Variants in SDK1 observed in about 807,000 individuals in gnomAD.
SDK1 encodes the protein sidekick cell adhesion molecule 1.
SDK1 carries 157 observed loss-of-function variants against 245.5 expected under a neutral mutation model. The ratio of observed to expected loss-of-function variants is 0.64; its 90% confidence interval spans 0.56 to 0.73. SDK1 has a LOEUF of 0.73. SDK1 is among the 30% of genes least tolerant of loss of function. The pLI is 0.00. For missense variants in SDK1, 3,583 were observed against 3,002.3 expected, an observed-to-expected ratio of 1.19 and a Z score of -4.52; for synonymous variants, 1,647 against 1,278.5, an observed-to-expected ratio of 1.29 and a Z score of -6.15.
At chr7:3,912,995 GT>G (rs1779231757) in intron 5 of SDK1, among the ~76,000 whole-genome samples, 1 of 152,226 alleles carries the variant, frequency 6.6e-6, no homozygotes, top group South Asian at 2.1e-4. Flanking sequence ...TCAGGCTCTT[GT>G]TTTTCTCTTC....
intron 4 of SDK1, among the ~76,000 whole-genome samples, chr7:3,767,721 G>A (rs1204991180): frequency 6.6e-6 from 1 of 152,166 alleles, no homozygotes; most frequent in African/African-American, 2.4e-5. Flanking sequence ...CTGAACCCAG[G>A]CTGTCTGAAT....
chr7:3,668,764 C>T (rs1412759134), intron 4 of SDK1, among the ~76,000 whole-genome samples: 3 of 152,318 alleles, frequency 2.0e-5, no homozygotes, highest in East Asian at 3.9e-4. Context: ...GCACTCCAGC[C>T]TGAGTGATAG....
intron 4 of SDK1, among the ~76,000 whole-genome samples, chr7:3,723,658 T>TGTGTG (rs1554254470): frequency 3.7e-5 from 5 of 134,112 alleles, no homozygotes; most frequent in Non-Finnish European, 7.9e-5. Context: ...TAAGTAAAAG[T>TGTGTG]TGTGTGTGTG....
intron 14 of SDK1, among the ~76,000 whole-genome samples, chr7:4,004,260 T>C (rs1785291458): frequency 1.3e-5 from 2 of 152,224 alleles, no homozygotes; most frequent in South Asian, 4.1e-4. Context: ...TGGATAACTC[T>C]TTTCATGGAT....
At chr7:3,513,518 T>C (rs1456276553) in intron 1 of SDK1, among the ~76,000 whole-genome samples, 1 of 152,196 alleles carries the variant, frequency 6.6e-6, no homozygotes, top group African/African-American at 2.4e-5. Context: ...GAATTAAGAC[T>C]GATGTGGCCA....
rs117282354 is a variant in SDK1 at position 3,734,886 on chromosome 7, C to T, written c.714-86564C>T. Reference sequence around the variant, plus strand: ...TAGTCCATATTTTCCAAGTTCAGCACGTAGCAAGCAGTCAGTCCTGTTCTT... The same window carrying T: ...TAGTCCATATTTTCCAAGTTCAGCATGTAGCAAGCAGTCAGTCCTGTTCTT... On this transcript the variant is annotated intron_variant, in intron 4 of 44. Transcript: ENST00000404826. Among the ~76,000 whole-genome samples, 7 of 152,248 alleles carry T rather than the reference C, an allele frequency of 4.6e-5. No individual in the cohort carries two copies. In the South Asian group the frequency reaches 6.2e-4, roughly 14 times the overall value.
chr7:4,263,378 T>TG (rs1788177197), intron 44 of SDK1, among the ~76,000 whole-genome samples: 1 of 151,316 alleles, frequency 6.6e-6, no homozygotes, highest in Admixed American at 6.6e-5. Flanking sequence ...AGACCTCTGC[T>TG]GGGTGGGGAG....
chr7:4,203,902 C>T (rs1408412276), intron 35 of SDK1, among the ~76,000 whole-genome samples: 3 of 152,266 alleles, frequency 2.0e-5, no homozygotes, highest in Admixed American at 1.3e-4. Context: ...CACGGCAGTG[C>T]GGCTCAGCTG....
chr7:3,949,575 C>A lies in SDK1; in HGVS notation c.848-1348C>A, dbSNP rs112961158. 4.6e-5 allele frequency among the ~76,000 whole-genome samples: 7 copies of A among 152,288 alleles called. 1 individual carries two copies. The highest frequency in any genetic ancestry group is 4.1e-4 in the South Asian group (2 of 4,830). Reference sequence around the variant, plus strand: ...AAGCGTTTTGCGTTTGCAGTCATTTCCATTTATTTTTATTTCCAGCCTCTT... The same window carrying A: ...AAGCGTTTTGCGTTTGCAGTCATTTACATTTATTTTTATTTCCAGCCTCTT... On this transcript the variant is annotated intron_variant, in intron 5 of 44. Coordinates refer to ENST00000404826, the MANE Select transcript of SDK1 (RefSeq NM_152744.4).
In SDK1 at chr7:4,132,555, C is replaced by T. The variant is rs541527101; in HGVS notation, c.4228+132C>T. ...TGGGCAACATTGTGAGACCCCATCT[C>T]TCCAAAGAAAAAATTCAGACTATTA... On this transcript the variant is annotated intron_variant, in intron 28 of 44. Coordinates refer to ENST00000404826, the MANE Select transcript of SDK1 (RefSeq NM_152744.4). 3 of 616,320 alleles carry T rather than the reference C, an allele frequency of 4.9e-6. No homozygotes were observed. The South Asian group carries it at 5.6e-5, about 11-fold the overall frequency. The allele number at this position is 616,320 out of a possible 1,614,324, so 38.2% of individuals were successfully genotyped here.
intron 1 of SDK1, among the ~76,000 whole-genome samples, chr7:3,411,738 A>C (rs759439813): frequency 1.3e-5 from 2 of 152,094 alleles, no homozygotes; most frequent in Non-Finnish European, 2.9e-5. Flanking sequence ...CTTTGTGTCT[A>C]GTCTCTCCAC....
At chr7:3,947,163 G>C (rs912047874) in intron 5 of SDK1, among the ~76,000 whole-genome samples, 1 of 150,874 alleles carries the variant, frequency 6.6e-6, no homozygotes, top group Non-Finnish European at 1.5e-5. Flanking sequence ...ATGCATGCAT[G>C]CACACACACA....
Position 4,045,240 on chromosome 7 carries a change from A to G in SDK1, c.2603-4108A>G, listed in dbSNP as rs116662980. On this transcript the variant is annotated intron_variant, in intron 17 of 44. Transcript: ENST00000404826. Reference sequence around the variant, plus strand: ...AAGCTGCTATGAATATCACATATAGATTTTATTTATTTATTTATTTAGAGA... The same window carrying G: ...AAGCTGCTATGAATATCACATATAGGTTTTATTTATTTATTTATTTAGAGA... 3.9e-3 allele frequency among the ~76,000 whole-genome samples: 587 copies of G among 151,394 alleles called. 4 individuals carry two copies. Among genetic ancestry groups the G allele is most frequent in the African/African-American group, 0.014 (562 of 41,254 alleles).
At chr7:3,822,410 T>C (rs1041862769) in intron 5 of SDK1, among the ~76,000 whole-genome samples, 3 of 152,204 alleles carry the variant, frequency 2.0e-5, no homozygotes, top group African/African-American at 7.2e-5. Context: ...GATTTGTTTG[T>C]ATAGTAGTGG....
intron 1 of SDK1, among the ~76,000 whole-genome samples, chr7:3,312,404 T>A (rs934122793): frequency 3.9e-5 from 6 of 152,112 alleles, no homozygotes; most frequent in Non-Finnish European, 7.4e-5. Flanking sequence ...TGAATAGTAT[T>A]CCAGGAGATT....
At chr7:4,248,920 T>C (rs1454835743) in intron 44 of SDK1, among the ~76,000 whole-genome samples, 3 of 147,780 alleles carry the variant, frequency 2.0e-5, no homozygotes, top group East Asian at 1.9e-4. Context: ...CATGCACACA[T>C]ACACATATGT....
At chr7:3,751,697 G>T (rs1208559960) in intron 4 of SDK1, among the ~76,000 whole-genome samples, 3 of 152,200 alleles carry the variant, frequency 2.0e-5, no homozygotes, top group Non-Finnish European at 4.4e-5. Flanking sequence ...CTGTGATCCA[G>T]CACAGCTGAC....
chr7:4,189,273 T>C (rs1251272208), intron 35 of SDK1, among the ~76,000 whole-genome samples: 1 of 148,204 alleles, frequency 6.7e-6, no homozygotes, highest in African/African-American at 2.6e-5. Flanking sequence ...CGGCGGTTGC[T>C]GTGAGCCTGG....
intron 5 of SDK1, among the ~76,000 whole-genome samples, chr7:3,877,341 T>A (rs754333550): frequency 2.6e-5 from 4 of 152,242 alleles, no homozygotes; most frequent in Non-Finnish European, 5.9e-5. Flanking sequence ...AGGGACCAAC[T>A]GAGGTTCCTT....
Sources: gnomAD v4.1 joint callset for allele counts (sites outside exome capture counted in the v4.1 genomes callset) on GRCh38, gnomAD v4.1.1 for gene constraint, MANE v1.5 for transcripts, NCBI Gene and HGNC (gene_info 2026-07-23, HGNC 2026-07-21) for gene names.